Variants in GOLPH3 observed in about 807,000 individuals in gnomAD.
GOLPH3 encodes coat protein GPP34.
GOLPH3 carries 14 observed loss-of-function variants against 28.5 expected under a neutral mutation model. The ratio of observed to expected loss-of-function variants is 0.49; its 90% CI spans 0.32 to 0.77. The LOEUF (loss-of-function observed/expected upper bound fraction) is 0.77. GOLPH3 is among the 30% of genes least tolerant of loss of function. The probability of loss-of-function intolerance (pLI) is 0.03; values close to 1 mark genes in which losing one functional copy is unlikely to be tolerated. For missense variants in GOLPH3, 350 were observed against 393.7 expected, an observed-to-expected ratio of 0.89 and a Z score of 0.94; for synonymous variants, 158 against 159.2, an observed-to-expected ratio of 0.99 and a Z score of 0.06.
intron 1 of GOLPH3, among the ~76,000 whole-genome samples, chr5:32,145,501 A>G (rs1746166725): frequency 6.6e-6 from 1 of 152,236 alleles, no homozygotes; most frequent in African/African-American, 2.4e-5. Context: ...AAAGTTACAG[A>G]TATCTGGCTT....
At position 32,126,292 on chromosome 5, in the gene GOLPH3, C is replaced by T. The variant is rs778174148; in HGVS notation, c.817G>A (p.Asp273Asn). 3.1e-6 allele frequency: 5 copies of T among 1,613,972 alleles called. No homozygotes were observed. The highest frequency in any genetic ancestry group is 1.1e-5 in the South Asian group (1 of 91,070). ...AGACATTCCACTTCAGGGTCTAAGTCGAGAAGCTGCCGCACTCTCTTGGTA... is the reference window on the plus strand; with the variant it reads ...AGACATTCCACTTCAGGGTCTAAGTTGAGAAGCTGCCGCACTCTCTTGGTA... ...LATKRVRQLL[D>N]LDPEVECLKA... The change falls in exon 4 of 4, where the codon GAC becomes AAC. Residue 273 changes from aspartate to asparagine, a missense_variant. By Grantham distance (23) the Asp-to-Asn change is conservative (BLOSUM62 1). Coordinates refer to ENST00000265070, the MANE Select transcript of GOLPH3 (RefSeq NM_022130.4).
At chr5:32,135,793 C>T in intron 2 of GOLPH3, 107 bp from the exon 3 acceptor site, 1 of 669,682 alleles carries the variant, frequency 1.5e-6, no homozygotes, top group South Asian at 1.9e-5. Context: ...ATGCTTAAAG[C>T]CTCAAGCTTT....
chr5:32,151,247 C>A (rs1455100378), intron 1 of GOLPH3, among the ~76,000 whole-genome samples: 1 of 148,652 alleles, frequency 6.7e-6, no homozygotes, highest in Non-Finnish European at 1.5e-5. Flanking sequence ...TATTTTGAGG[C>A]CAGGCACAGT....
chr5:32,130,488 C>T (rs1745803602), intron 3 of GOLPH3, among the ~76,000 whole-genome samples: 1 of 152,154 alleles, frequency 6.6e-6, no homozygotes, highest in African/African-American at 2.4e-5. Context: ...TATGTTGTCA[C>T]AAAACCTAAG....
In GOLPH3 at chr5:32,125,526, A is replaced by G. The variant is rs1330218739; in HGVS notation, c.*686T>C. ...TAAGATGGGAGCAGGGGTGGCCAGA[A>G]GAAGGGGTAATTTATATATAATTCA... On this transcript the variant is annotated 3_prime_UTR_variant, in exon 4 of 4. Coordinates refer to ENST00000265070, the MANE Select transcript of GOLPH3 (RefSeq NM_022130.4). 1 of 152,660 alleles carries G rather than the reference A, an allele frequency of 6.6e-6. No individual in the cohort carries two copies. Among genetic ancestry groups the G allele is most frequent in the Non-Finnish European group, 1.5e-5 (1 of 68,066 alleles). The allele number at this position is 152,660 out of a possible 1,614,324, so 9.5% of individuals were successfully genotyped here.
At chr5:32,129,178 C>T (rs1249988059) in intron 3 of GOLPH3, among the ~76,000 whole-genome samples, 2 of 151,736 alleles carry the variant, frequency 1.3e-5, no homozygotes, top group Non-Finnish European at 2.9e-5. Context: ...ACAAGACTGT[C>T]TCAAAAACAA....
chr5:32,172,573 T>C (rs1252972269), intron 1 of GOLPH3, among the ~76,000 whole-genome samples: 1 of 152,088 alleles, frequency 6.6e-6, no homozygotes, highest in African/African-American at 2.4e-5. Context: ...CGCACGTCTG[T>C]AGTCCCGGCT....
At chr5:32,132,911 C>T (rs1019410916) in intron 3 of GOLPH3, among the ~76,000 whole-genome samples, 15 of 151,928 alleles carry the variant, frequency 9.9e-5, no homozygotes, top group African/African-American at 3.6e-4. Flanking sequence ...TAAAAAAAGT[C>T]CTTTTTCCTC....
intron 2 of GOLPH3, among the ~76,000 whole-genome samples, chr5:32,140,648 A>C (rs1319653914): frequency 2.7e-5 from 4 of 149,830 alleles, no homozygotes; most frequent in African/African-American, 9.9e-5. Context: ...TGGGTGATAG[A>C]GTGACACTCA....
chr5:32,148,193 A>T (rs1746220073), intron 1 of GOLPH3, among the ~76,000 whole-genome samples: 1 of 152,182 alleles, frequency 6.6e-6, no homozygotes, highest in Non-Finnish European at 1.5e-5. Flanking sequence ...TGCTCTTGCC[A>T]CATCTTTTTC....
At position 32,140,227 on chromosome 5, in the gene GOLPH3, G is replaced by A. The variant is rs547974243; in HGVS notation, c.357+3522C>T. Among the ~76,000 whole-genome samples, 7 of 151,922 alleles carry A rather than the reference G, an allele frequency of 4.6e-5. No homozygotes were observed. The South Asian group carries it at 8.3e-4, about 18-fold the overall frequency. ...AGATTGAAAAAACAGAAGGAGGCCC[G>A]GCACAGTGGCTCACGTCTGTAATCC... On this transcript the variant is annotated intron_variant, in intron 2 of 3. Transcript: ENST00000265070.
At chr5:32,139,335 C>T (rs1464347594) in intron 2 of GOLPH3, among the ~76,000 whole-genome samples, 1 of 150,658 alleles carries the variant, frequency 6.6e-6, no homozygotes, top group African/African-American at 2.5e-5. Context: ...AACACTACAA[C>T]ATTTTATATA....
chr5:32,173,968 C>A lies in GOLPH3; in HGVS notation c.67G>T (p.Ala23Ser). 1.4e-6 allele frequency: 2 copies of A among 1,406,724 alleles called. No individual in the cohort carries two copies. Among genetic ancestry groups the A allele is most frequent in the Non-Finnish European group, 1.8e-6 (2 of 1,087,006 alleles). The allele number at this position is 1,406,724 out of a possible 1,614,324, so 87.1% of individuals were successfully genotyped here. A position where few individuals can be genotyped will look rare whatever the true frequency, so the allele number is the denominator to read the frequency against. ...QRRTEASRNA[A>S]DKERAAGGGA... ...CCGCCCGCCGCCCGCTCCTTGTCGG[C>A]GGCGTTGCGGGAGGCCTCGGTGCGC... The change falls in exon 1 of 4, where the codon GCC (alanine) becomes TCC (serine). Residue 23 changes from alanine (A) to serine (S), a missense_variant. By Grantham distance (99) the Ala-to-Ser change is moderately conservative (BLOSUM62 1). Transcript: ENST00000265070.
chr5:32,164,497 C>T (rs891803973), intron 1 of GOLPH3, among the ~76,000 whole-genome samples: 3 of 151,802 alleles, frequency 2.0e-5, no homozygotes, highest in Middle Eastern at 3.2e-3. Flanking sequence ...GGGTTCACGC[C>T]ATTCTCCTGC....
At chr5:32,158,406 T>A (rs1202600014) in intron 1 of GOLPH3, among the ~76,000 whole-genome samples, 1 of 152,110 alleles carries the variant, frequency 6.6e-6, no homozygotes, top group Non-Finnish European at 1.5e-5. Context: ...TGTTCACAAC[T>A]CCTGCCCTCC....
At chr5:32,143,715 C>T (rs776266807) in intron 2 of GOLPH3, 34 bp downstream of exon 2, 4 of 1,576,798 alleles carry the variant, frequency 2.5e-6, no homozygotes, top group Non-Finnish European at 3.4e-6. Flanking sequence ...AGTACAACCT[C>T]TTTAAAAAGA....
intron 3 of GOLPH3, among the ~76,000 whole-genome samples, chr5:32,135,171 C>T (rs1331621350): frequency 1.3e-5 from 2 of 152,198 alleles, no homozygotes; most frequent in Non-Finnish European, 2.9e-5. Flanking sequence ...GTGGCAGTGG[C>T]TCCATCTGCC....
intron 1 of GOLPH3, among the ~76,000 whole-genome samples, chr5:32,171,673 C>A (rs916098431): frequency 1.3e-5 from 2 of 151,746 alleles, no homozygotes; most frequent in South Asian, 4.2e-4. Context: ...TATGGCCGGG[C>A]GTGGTGGCTC....
intron 1 of GOLPH3, among the ~76,000 whole-genome samples, chr5:32,154,674 A>C (rs1397074969): frequency 6.6e-6 from 1 of 152,222 alleles, no homozygotes; most frequent in Non-Finnish European, 1.5e-5. Flanking sequence ...AAAGTAGGGG[A>C]AATTTCCAAC....
Sources: allele counts gnomAD v4.1 joint callset (sites outside exome capture counted in the v4.1 genomes callset), GRCh38; gene constraint gnomAD v4.1.1; transcripts MANE v1.5; gene names NCBI Gene and HGNC (gene_info 2026-07-23, HGNC 2026-07-21).